CCDC85A: variants seen among roughly 807,000 people sequenced by gnomAD.
CCDC85A encodes coiled-coil domain-containing protein 85A.
In CCDC85A, 38 loss-of-function variants were observed where a neutral mutation model predicts 50.2. The ratio of observed to expected loss-of-function variants is 0.76; its 90% CI spans 0.58 to 0.99. The LOEUF (loss-of-function observed/expected upper bound fraction) is 0.99, where lower values mean the gene tolerates loss of function less well. Among genes scored for constraint, CCDC85A ranks in the 50% least tolerant of loss-of-function variants. The pLI, the probability that CCDC85A is intolerant of heterozygous loss-of-function variation, is 0.00. For synonymous variants in CCDC85A, 366 were observed against 301.4 expected (o/e 1.21, Z -2.22); for missense variants, 820 against 742.0 (o/e 1.11, Z -1.22).
At position 56,255,693 on chromosome 2, in the gene CCDC85A, T is replaced by G. The variant is rs967958996; in HGVS notation, c.1240+62253T>G. Among the ~76,000 whole-genome samples, 9 of 152,212 alleles carry G rather than the reference T, an allele frequency of 5.9e-5. 1 individual carries two copies. The highest frequency in any genetic ancestry group is 4.6e-4 in the Admixed American group (7 of 15,278). On this transcript the variant is annotated intron_variant, in intron 2 of 5. Transcript: ENST00000407595. ...ATGGAGGAGGTCATTGATGATCTTC[T>G]AGGAAGGAGAAAGAAATGATGGAAT...
chr2:56,368,575 C>A (rs2104384892), intron 3 of CCDC85A, among the ~76,000 whole-genome samples: 1 of 152,190 alleles, frequency 6.6e-6, no homozygotes, highest in Non-Finnish European at 1.5e-5. Flanking sequence ...TAACCAAGTT[C>A]AGGAATTATA....
intron 2 of CCDC85A, among the ~76,000 whole-genome samples, chr2:56,255,477 G>A (rs1669943377): frequency 6.6e-6 from 1 of 152,090 alleles, no homozygotes; most frequent in South Asian, 2.1e-4. Context: ...GTACCTTGGG[G>A]AACACAAAGA....
intron 3 of CCDC85A, among the ~76,000 whole-genome samples, chr2:56,349,916 A>G (rs936839114): frequency 1.3e-5 from 2 of 152,094 alleles, no homozygotes; most frequent in African/African-American, 4.8e-5. Flanking sequence ...GCAAAAAATT[A>G]TGGGACCCTA....
chr2:56,188,782 G>A (rs1399280474), intron 1 of CCDC85A, among the ~76,000 whole-genome samples: 2 of 152,222 alleles, frequency 1.3e-5, no homozygotes, highest in South Asian at 2.1e-4. Flanking sequence ...AGCTATAGCT[G>A]TAGCCTGTTT....
At chr2:56,253,561 A>T (rs1460229865) in intron 2 of CCDC85A, among the ~76,000 whole-genome samples, 1 of 152,186 alleles carries the variant, frequency 6.6e-6, no homozygotes, top group Admixed American at 6.5e-5. Flanking sequence ...AATTTGAAAG[A>T]GATCACTCAG....
chr2:56,317,458 C>G (rs1336491630), intron 2 of CCDC85A, among the ~76,000 whole-genome samples: 1 of 152,034 alleles, frequency 6.6e-6, no homozygotes, highest in Non-Finnish European at 1.5e-5. Flanking sequence ...AATGTATGAA[C>G]TAAGGCTGTC....
intron 2 of CCDC85A, among the ~76,000 whole-genome samples, chr2:56,324,180 G>A (rs915556644): frequency 6.6e-6 from 1 of 152,046 alleles, no homozygotes; most frequent in Non-Finnish European, 1.5e-5. Flanking sequence ...AATCTGCTAA[G>A]CCAGTAGCCT....
intron 2 of CCDC85A, among the ~76,000 whole-genome samples, chr2:56,331,024 C>T (rs1423227828): frequency 6.6e-6 from 1 of 151,398 alleles, no homozygotes; most frequent in East Asian, 1.9e-4. Flanking sequence ...TATGTATAGA[C>T]ACAATAGAAT....
intron 2 of CCDC85A, among the ~76,000 whole-genome samples, chr2:56,227,600 C>A (rs1375736005): frequency 6.6e-6 from 1 of 152,066 alleles, no homozygotes; most frequent in Non-Finnish European, 1.5e-5. Flanking sequence ...GTGTGTGGAG[C>A]AATATTCTTT....
intron 2 of CCDC85A, among the ~76,000 whole-genome samples, chr2:56,294,581 CA>C (rs1671865819): frequency 6.6e-6 from 1 of 152,174 alleles, no homozygotes; most frequent in Non-Finnish European, 1.5e-5. Context: ...TTGTCCATCT[CA>C]AGCGTATAAC....
intron 2 of CCDC85A, among the ~76,000 whole-genome samples, chr2:56,339,733 C>T (rs371153260): frequency 6.6e-6 from 1 of 151,856 alleles, no homozygotes; most frequent in South Asian, 2.1e-4. Context: ...CTTGGATGGC[C>T]TTATCAAGTG....
intron 2 of CCDC85A, among the ~76,000 whole-genome samples, chr2:56,213,720 A>T (rs937770239): frequency 3.3e-5 from 5 of 151,964 alleles, no homozygotes; most frequent in Admixed American, 1.3e-4. Flanking sequence ...TAATGACTGG[A>T]TATTAAAGAA....
intron 2 of CCDC85A, among the ~76,000 whole-genome samples, chr2:56,341,667 T>G: frequency 6.6e-6 from 1 of 152,236 alleles, no homozygotes; most frequent in East Asian, 1.9e-4. Flanking sequence ...AGCCATAAAC[T>G]TTAGAGTTCA....
At chr2:56,291,773 C>CTTT (rs35549209) in intron 2 of CCDC85A, among the ~76,000 whole-genome samples, 11 of 115,514 alleles carry the variant, frequency 9.5e-5, no homozygotes, top group African/African-American at 3.3e-4. Context: ...AATGGGAAGG[C>CTTT]TTTTTTTTTT....
At chr2:56,258,136 G>A (rs976651643) in intron 2 of CCDC85A, among the ~76,000 whole-genome samples, 3 of 152,266 alleles carry the variant, frequency 2.0e-5, no homozygotes, top group Admixed American at 1.3e-4. Flanking sequence ...GAATGCAGGG[G>A]ATGGAGAACA....
At chr2:56,215,442 G>A (rs779964510) in intron 2 of CCDC85A, among the ~76,000 whole-genome samples, 3 of 151,804 alleles carry the variant, frequency 2.0e-5, no homozygotes, top group Non-Finnish European at 4.4e-5. Flanking sequence ...AAGGAATGGT[G>A]GGAGAGGACA....
chr2:56,229,519 C>A (rs1242307154), intron 2 of CCDC85A, among the ~76,000 whole-genome samples: 2 of 151,998 alleles, frequency 1.3e-5, no homozygotes, highest in African/African-American at 2.4e-5. Context: ...GTACTGGTAG[C>A]AAGCCTGGCC....
chr2:56,325,266 G>C (rs1003053157), intron 2 of CCDC85A, among the ~76,000 whole-genome samples: 1 of 152,064 alleles, frequency 6.6e-6, no homozygotes, highest in Non-Finnish European at 1.5e-5. Context: ...ATATGGAGAT[G>C]TAGTTAGCCT....
chr2:56,296,380 T>C (rs546270698), intron 2 of CCDC85A, among the ~76,000 whole-genome samples: 1 of 152,286 alleles, frequency 6.6e-6, no homozygotes, highest in South Asian at 2.1e-4. Flanking sequence ...TGGAATGTGG[T>C]AGTTTTCTTC....
Sources: gnomAD v4.1 joint callset for allele counts (sites outside exome capture counted in the v4.1 genomes callset) on GRCh38, gnomAD v4.1.1 for gene constraint, MANE v1.5 for transcripts, NCBI Gene and HGNC (gene_info 2026-07-23, HGNC 2026-07-21) for gene names.